ROBO1: variants seen among roughly 807,000 people sequenced by gnomAD.
ROBO1 encodes the protein roundabout homolog 1.
In ROBO1, 149 loss-of-function variants were observed where a neutral mutation model predicts 195.9. That is an observed-to-expected ratio of 0.76 (90% CI 0.67 to 0.87). The LOEUF (loss-of-function observed/expected upper bound fraction) is 0.87, where lower values mean the gene tolerates loss of function less well. Ranked by LOEUF, ROBO1 falls within the 40% of genes least tolerant of loss-of-function variation. The pLI, the probability that ROBO1 is intolerant of heterozygous loss-of-function variation, is 0.00. For synonymous variants in ROBO1, 816 were observed against 733.2 expected, an observed-to-expected ratio of 1.11 and a Z score of -1.82; for missense variants, 1,933 against 2,068.3, an observed-to-expected ratio of 0.93 and a Z score of 1.27.
intron 2 of ROBO1, among the ~76,000 whole-genome samples, chr3:79,230,861 C>A (rs1233265397): frequency 6.6e-6 from 1 of 152,022 alleles, no homozygotes; most frequent in Non-Finnish European, 1.5e-5. Context: ...GGTATTGATG[C>A]AAAAACAGAC....
intron 2 of ROBO1, among the ~76,000 whole-genome samples, chr3:79,201,840 T>C (rs898242155): frequency 6.6e-6 from 1 of 150,864 alleles, no homozygotes; most frequent in South Asian, 2.1e-4. Flanking sequence ...GTAGTAATAA[T>C]TATTCATTGC....
intron 2 of ROBO1, among the ~76,000 whole-genome samples, chr3:79,417,274 T>G (rs1204082955): frequency 6.6e-6 from 1 of 152,124 alleles, no homozygotes; most frequent in East Asian, 1.9e-4. Context: ...CACCATATTG[T>G]GAGAAATCTG....
chr3:78,901,707 T>G (rs2037598844), intron 4 of ROBO1, among the ~76,000 whole-genome samples: 1 of 152,190 alleles, frequency 6.6e-6, no homozygotes, highest in Non-Finnish European at 1.5e-5. Flanking sequence ...ATAAATTGGC[T>G]CCTGTCTTTT....
chr3:79,436,349 ATT>A (rs62797160), intron 2 of ROBO1, among the ~76,000 whole-genome samples: 3 of 150,062 alleles, frequency 2.0e-5, no homozygotes, highest in East Asian at 2.0e-4. Context: ...TTTGATTTGT[ATT>A]TTTTTTTTGT....
chr3:79,254,714 T>G (rs2082796956), intron 2 of ROBO1, among the ~76,000 whole-genome samples: 1 of 152,186 alleles, frequency 6.6e-6, no homozygotes, highest in African/African-American at 2.4e-5. Flanking sequence ...CTGTTAGCTA[T>G]GTAACCTCGG....
At chr3:79,034,538 A>G (rs2078350310) in intron 3 of ROBO1, among the ~76,000 whole-genome samples, 1 of 152,186 alleles carries the variant, frequency 6.6e-6, no homozygotes, top group African/African-American at 2.4e-5. Context: ...AATATTTCAT[A>G]TATAGTAAAA....
At chr3:79,519,628 CAAA>C (rs71631657) in intron 2 of ROBO1, among the ~76,000 whole-genome samples, 10 of 64,712 alleles carry the variant, frequency 1.5e-4, no homozygotes, top group Non-Finnish European at 1.7e-4. Context: ...GACTCCTGCT[CAAA>C]AAAAAAAAAA....
intron 3 of ROBO1, among the ~76,000 whole-genome samples, chr3:79,097,877 C>T (rs2079599565): frequency 6.6e-6 from 1 of 151,088 alleles, no homozygotes; most frequent in Non-Finnish European, 1.5e-5. Flanking sequence ...TCCTGTTCAA[C>T]CTGTGGAAAA....
intron 2 of ROBO1, among the ~76,000 whole-genome samples, chr3:79,489,740 A>G (rs1939357052): frequency 6.7e-6 from 1 of 148,546 alleles, no homozygotes; most frequent in Non-Finnish European, 1.5e-5. Flanking sequence ...CCATACAGAC[A>G]AACAAAATAT....
At chr3:78,877,085 T>A (rs1388570717) in intron 4 of ROBO1, among the ~76,000 whole-genome samples, 1 of 152,124 alleles carries the variant, frequency 6.6e-6, no homozygotes, top group East Asian at 1.9e-4. Flanking sequence ...TGACATGTAG[T>A]AGCCAGTGAA....
intron 4 of ROBO1, among the ~76,000 whole-genome samples, chr3:78,781,671 G>A (rs1576154373): frequency 3.3e-5 from 5 of 151,454 alleles, no homozygotes; most frequent in Non-Finnish European, 5.9e-5. Context: ...ATACAGATAA[G>A]GTTGAGAACA....
At chr3:79,407,431 T>C (rs947361316) in intron 2 of ROBO1, among the ~76,000 whole-genome samples, 1 of 152,148 alleles carries the variant, frequency 6.6e-6, no homozygotes, top group African/African-American at 2.4e-5. Context: ...AAAAAATACA[T>C]GATACAAATT....
At chr3:79,711,931 G>GGGGGGGGAGCAC (rs1702292817) in intron 1 of ROBO1, among the ~76,000 whole-genome samples, 2 of 141,620 alleles carry the variant, frequency 1.4e-5, no homozygotes, top group African/African-American at 5.3e-5. Flanking sequence ...GGGCGGGTGG[G>GGGGGGGGAGCAC]TGGGGGAGCA....
chr3:79,387,572 A>G (rs1228271528), intron 2 of ROBO1, among the ~76,000 whole-genome samples: 2 of 151,900 alleles, frequency 1.3e-5, no homozygotes, highest in Non-Finnish European at 2.9e-5. Context: ...GGCTTATTTC[A>G]TGTTGATCAT....
In ROBO1 at chr3:78,697,087, T is replaced by C. The variant is rs560125834; in HGVS notation, c.1046-8315A>G. On this transcript the variant is annotated intron_variant, in intron 8 of 30. Coordinates refer to ENST00000464233, the MANE Select transcript of ROBO1 (RefSeq NM_002941.4). ...ACACACACACACAGCCACTACCATT[T>C]AGAATAGAAGACTTTCTTCCTTTTT... Among the ~76,000 whole-genome samples the C allele has an allele frequency of 6.4e-4, 97 of 151,690 alleles. 1 individual carries two copies. Among genetic ancestry groups the C allele is most frequent in the African/African-American group, 2.1e-3 (86 of 41,408 alleles).
intron 4 of ROBO1, among the ~76,000 whole-genome samples, chr3:78,758,334 T>C (rs1405893774): frequency 6.6e-6 from 1 of 151,918 alleles, no homozygotes; most frequent in Non-Finnish European, 1.5e-5. Flanking sequence ...GCCTGGGCAA[T>C]ACAGTGGGAC....
intron 4 of ROBO1, among the ~76,000 whole-genome samples, chr3:78,802,660 C>T (rs1209529623): frequency 6.6e-6 from 1 of 152,054 alleles, no homozygotes; most frequent in South Asian, 2.1e-4. Context: ...TTCAATCCCA[C>T]ATAAGACTTT....
At chr3:79,054,454 C>G (rs1177685984) in intron 3 of ROBO1, among the ~76,000 whole-genome samples, 1 of 152,022 alleles carries the variant, frequency 6.6e-6, no homozygotes, top group Non-Finnish European at 1.5e-5. Context: ...GCCATGCATT[C>G]CATCCAATGA....
intron 2 of ROBO1, among the ~76,000 whole-genome samples, chr3:79,482,542 A>G (rs1434117012): frequency 2.0e-5 from 3 of 152,156 alleles, no homozygotes; most frequent in Non-Finnish European, 4.4e-5. Context: ...CTCCCCAGAC[A>G]TGTGGAACTG....
Sources: gnomAD v4.1 joint callset for allele counts (sites outside exome capture counted in the v4.1 genomes callset) on GRCh38, gnomAD v4.1.1 for gene constraint, MANE v1.5 for transcripts, NCBI Gene and HGNC (gene_info 2026-07-23, HGNC 2026-07-21) for gene names.